PLSCR4: variants seen among roughly 807,000 people sequenced by gnomAD.
PLSCR4 encodes the protein Ca(2+)-dependent phospholipid scramblase 4.
PLSCR4 carries 25 observed loss-of-function variants against 36.3 expected under a neutral mutation model. The ratio of observed to expected loss-of-function variants is 0.69; its 90% CI spans 0.50 to 0.96. The LOEUF is 0.96. Among genes scored for constraint, PLSCR4 ranks in the 40% least tolerant of loss-of-function variants. PLSCR4 has a pLI of 0.00. For synonymous variants in PLSCR4, 122 were observed against 132.9 expected, an observed-to-expected ratio of 0.92 and a Z score of 0.56; for missense variants, 408 against 414.7, an observed-to-expected ratio of 0.98 and a Z score of 0.14.
intron 1 of PLSCR4, among the ~76,000 whole-genome samples, chr3:146,225,745 G>A (rs1006001973): frequency 5.9e-5 from 9 of 152,186 alleles, no homozygotes; most frequent in Admixed American, 2.6e-4. Flanking sequence ...CCGCCAAGCC[G>A]ACGCCCACCC....
intron 3 of PLSCR4, among the ~76,000 whole-genome samples, chr3:146,218,398 C>T (rs913793954): frequency 8.9e-4 from 135 of 151,688 alleles, no homozygotes; most frequent in African/African-American, 3.1e-3. Flanking sequence ...AATATAAAAG[C>T]ACCTCATGTT....
intron 1 of PLSCR4, among the ~76,000 whole-genome samples, chr3:146,233,559 A>G (rs900670127): frequency 1.3e-5 from 2 of 152,122 alleles, no homozygotes. Context: ...ATGACTCCAA[A>G]TGACCTGCTA....
chr3:146,223,843 T>TA (rs992283707), intron 1 of PLSCR4: 2 of 124,980 alleles, frequency 1.6e-5, no homozygotes, highest in Non-Finnish European at 3.4e-5. Flanking sequence ...ATATATTATG[T>TA]AAAAATGTTT....
intron 3 of PLSCR4, among the ~76,000 whole-genome samples, chr3:146,216,156 G>A (rs889371431): frequency 5.3e-5 from 8 of 152,240 alleles, no homozygotes; most frequent in African/African-American, 1.4e-4. Context: ...TTTAGAACCC[G>A]GGAAGCGGAG....
chr3:146,218,219 G>A (rs898925982), intron 3 of PLSCR4, among the ~76,000 whole-genome samples: 1 of 152,108 alleles, frequency 6.6e-6, no homozygotes, highest in African/African-American at 2.4e-5. Context: ...ATTCCTTTAA[G>A]AATTGTATTT....
intron 1 of PLSCR4, among the ~76,000 whole-genome samples, chr3:146,250,027 G>T (rs1445500790): frequency 6.6e-6 from 1 of 152,098 alleles, no homozygotes; most frequent in Non-Finnish European, 1.5e-5. Flanking sequence ...TGTTTCCTAT[G>T]GACATTAAGG....
intron 3 of PLSCR4, 31 bp from the exon 4 acceptor site, chr3:146,206,792 AT>A (rs1559904477): frequency 7.5e-7 from 1 of 1,341,924 alleles, no homozygotes; most frequent in East Asian, 2.6e-5. Flanking sequence ...AGTGTTATAT[AT>A]TATTAACACT....
intron 1 of PLSCR4, among the ~76,000 whole-genome samples, chr3:146,228,225 C>G (rs1271633754): frequency 2.0e-5 from 3 of 152,156 alleles, no homozygotes. Flanking sequence ...TGCATTATTA[C>G]TACTATTTCA....
At chr3:146,237,600 G>C (rs1377655067) in intron 1 of PLSCR4, among the ~76,000 whole-genome samples, 1 of 151,558 alleles carries the variant, frequency 6.6e-6, no homozygotes, top group Non-Finnish European at 1.5e-5. Context: ...AAAATATGTG[G>C]ATATTAAACA....
chr3:146,210,464 A>C (rs1196100629), intron 3 of PLSCR4, among the ~76,000 whole-genome samples: 1 of 152,066 alleles, frequency 6.6e-6, no homozygotes, highest in Non-Finnish European at 1.5e-5. Flanking sequence ...TCACCTCAAC[A>C]TATTGTTTCT....
At chr3:146,242,400 C>T (rs966229427) in intron 1 of PLSCR4, among the ~76,000 whole-genome samples, 1 of 152,168 alleles carries the variant, frequency 6.6e-6, no homozygotes, top group Non-Finnish European at 1.5e-5. Context: ...GCCCAGTGTA[C>T]TCACTGCTCT....
chr3:146,196,168 G>A (rs1391202046), intron 7 of PLSCR4, among the ~76,000 whole-genome samples: 1 of 152,012 alleles, frequency 6.6e-6, no homozygotes, highest in East Asian at 1.9e-4. Context: ...TATTGTTAGT[G>A]TTATCCGATT....
chr3:146,209,167 C>T (rs2034492788), intron 3 of PLSCR4, among the ~76,000 whole-genome samples: 1 of 152,006 alleles, frequency 6.6e-6, no homozygotes, highest in Admixed American at 6.6e-5. Flanking sequence ...GAATGGAAAA[C>T]CAAATATTGT....
intron 2 of PLSCR4, among the ~76,000 whole-genome samples, chr3:146,221,143 AATTAT>A (rs2035123486): frequency 2.0e-5 from 3 of 152,322 alleles, no homozygotes; most frequent in South Asian, 4.1e-4. Context: ...AGAACTAAAC[AATTAT>A]ATTATGCTTG....
At chr3:146,228,788 T>A (rs2035581565) in intron 1 of PLSCR4, among the ~76,000 whole-genome samples, 1 of 152,200 alleles carries the variant, frequency 6.6e-6, no homozygotes, top group African/African-American at 2.4e-5. Flanking sequence ...CAGTACTTCA[T>A]GGTATAAGAT....
At chr3:146,212,575 A>G (rs1467406518) in intron 3 of PLSCR4, among the ~76,000 whole-genome samples, 1 of 151,620 alleles carries the variant, frequency 6.6e-6, no homozygotes, top group Admixed American at 6.6e-5. Context: ...CCTAGCCTCC[A>G]GGTAACTGGG....
chr3:146,227,315 G>A (rs1250691090), intron 1 of PLSCR4, among the ~76,000 whole-genome samples: 1 of 152,156 alleles, frequency 6.6e-6, no homozygotes, highest in African/African-American at 2.4e-5. Flanking sequence ...TGCCTGGAAT[G>A]TAATTAAGAG....
At chr3:146,195,497 T>C (rs1465342699) in intron 7 of PLSCR4, among the ~76,000 whole-genome samples, 2 of 152,222 alleles carry the variant, frequency 1.3e-5, no homozygotes, top group Non-Finnish European at 2.9e-5. Context: ...ACTGCTGCTC[T>C]TTCTTCATCT....
intron 3 of PLSCR4, among the ~76,000 whole-genome samples, chr3:146,220,061 T>C (rs986492643): frequency 6.6e-6 from 1 of 152,186 alleles, no homozygotes; most frequent in Non-Finnish European, 1.5e-5. Flanking sequence ...ATATGTATTT[T>C]AAAAAAATAT....
Sources: allele counts gnomAD v4.1 joint callset (sites outside exome capture counted in the v4.1 genomes callset), GRCh38; gene constraint gnomAD v4.1.1; transcripts MANE v1.5; gene names NCBI Gene and HGNC (gene_info 2026-07-23, HGNC 2026-07-21).